Variants in TBC1D4 observed in about 807,000 individuals in gnomAD.
TBC1D4 encodes TBC (Tre-2, BUB2, CDC16) domain-containing protein.
Under a neutral mutation model 142.5 loss-of-function variants are expected in TBC1D4, and 121 were observed. The ratio of observed to expected loss-of-function variants is 0.85; its 90% CI spans 0.73 to 0.99. TBC1D4 has a LOEUF of 0.99. Ranked by LOEUF, TBC1D4 falls within the 50% of genes least tolerant of loss-of-function variation. The probability of loss-of-function intolerance (pLI) is 0.00; values close to 1 mark genes in which losing one functional copy is unlikely to be tolerated. For synonymous variants in TBC1D4, 630 were observed against 628.2 expected, an observed-to-expected ratio of 1.00 and a Z score of -0.04; for missense variants, 1,475 against 1,606.6, an observed-to-expected ratio of 0.92 and a Z score of 1.40.
intron 18 of TBC1D4, among the ~76,000 whole-genome samples, chr13:75,294,302 T>G (rs1187809762): frequency 6.6e-6 from 1 of 152,174 alleles, no homozygotes; most frequent in Non-Finnish European, 1.5e-5. Flanking sequence ...CTTAGTGTTT[T>G]CCCTGAGCCA....
intron 13 of TBC1D4, among the ~76,000 whole-genome samples, chr13:75,312,164 A>G (rs1325683550): frequency 1.3e-5 from 2 of 152,062 alleles, no homozygotes; most frequent in Admixed American, 1.3e-4. Flanking sequence ...ACTCAAAGAG[A>G]GCTGCCTGTG....
chr13:75,461,735 A>G (rs1476257593), intron 1 of TBC1D4, among the ~76,000 whole-genome samples: 1 of 152,238 alleles, frequency 6.6e-6, no homozygotes. Flanking sequence ...ACATTTTGTT[A>G]AAGAATGAAA....
intron 1 of TBC1D4, among the ~76,000 whole-genome samples, chr13:75,467,641 G>A (rs1030432852): frequency 2.0e-5 from 3 of 152,104 alleles, no homozygotes; most frequent in Non-Finnish European, 2.9e-5. Context: ...ATACAACTAT[G>A]GCCCCTGTTA....
At position 75,285,530 on chromosome 13, in the gene TBC1D4, A is replaced by C. The variant is rs1298532131; in HGVS notation, c.*1262T>G. 2 of 152,636 alleles carry C rather than the reference A, an allele frequency of 1.3e-5. No homozygotes were observed. The highest frequency in any genetic ancestry group is 4.8e-5 in the African/African-American group (2 of 41,452). 9.5% of individuals were successfully genotyped at this position (152,636 alleles called of 1,614,324 possible). A position where few individuals can be genotyped will look rare whatever the true frequency, so the allele number is the denominator to read the frequency against. On this transcript the variant is annotated 3_prime_UTR_variant, in exon 21 of 21. Coordinates refer to ENST00000377636, the MANE Select transcript of TBC1D4 (RefSeq NM_014832.5). The stretch of plus-strand genomic sequence containing the variant: ...TCCTTGCCTATACCCAGCATGCGTG[A>C]ATGTCATCTAATGAGCTATTTGTAG...
At chr13:75,300,869 T>TAG (rs984836068) in intron 16 of TBC1D4, among the ~76,000 whole-genome samples, 6 of 152,280 alleles carry the variant, frequency 3.9e-5, no homozygotes, top group African/African-American at 1.4e-4. Context: ...CCCCACTTAG[T>TAG]AGAGAGGATG....
intron 17 of TBC1D4, among the ~76,000 whole-genome samples, chr13:75,298,498 C>A (rs1876178653): frequency 6.6e-6 from 1 of 152,206 alleles, no homozygotes; most frequent in Non-Finnish European, 1.5e-5. Context: ...AGCCTGTAAT[C>A]CCAGCATTCT....
chr13:75,333,550 G>C (rs1332699996), intron 8 of TBC1D4, among the ~76,000 whole-genome samples: 1 of 152,088 alleles, frequency 6.6e-6, no homozygotes, highest in Admixed American at 6.6e-5. Flanking sequence ...TCCCCACAAC[G>C]ATTTTCAAGT....
At chr13:75,294,454 A>G (rs1875665382) in intron 18 of TBC1D4, among the ~76,000 whole-genome samples, 2 of 152,366 alleles carry the variant, frequency 1.3e-5, no homozygotes, top group Admixed American at 6.5e-5. Flanking sequence ...GATACAGTTA[A>G]GAACATATTT....
intron 1 of TBC1D4, among the ~76,000 whole-genome samples, chr13:75,396,829 C>T (rs1353674724): frequency 2.6e-5 from 4 of 151,704 alleles, no homozygotes; most frequent in African/African-American, 7.3e-5. Flanking sequence ...GCCTATGACA[C>T]TGAAAAAAAT....
chr13:75,419,477 T>C (rs1170881046), intron 1 of TBC1D4, among the ~76,000 whole-genome samples: 2 of 152,320 alleles, frequency 1.3e-5, no homozygotes, highest in East Asian at 3.9e-4. Context: ...GGCAAATATG[T>C]GAGTTCTGAT....
intron 4 of TBC1D4, among the ~76,000 whole-genome samples, chr13:75,353,979 G>A (rs907101117): frequency 6.6e-6 from 1 of 152,180 alleles, no homozygotes; most frequent in Admixed American, 6.5e-5. Context: ...TGGGCCTTCA[G>A]AGAGCTGCAG....
intron 15 of TBC1D4, among the ~76,000 whole-genome samples, chr13:75,305,762 T>C (rs1877119018): frequency 6.6e-6 from 1 of 152,222 alleles, no homozygotes; most frequent in Non-Finnish European, 1.5e-5. Context: ...ATTAGTTTTA[T>C]TTTTAAATTT....
At chr13:75,379,261 TGCA>T (rs1167556143) in intron 1 of TBC1D4, among the ~76,000 whole-genome samples, 3 of 150,950 alleles carry the variant, frequency 2.0e-5, no homozygotes, top group Non-Finnish European at 4.4e-5. Flanking sequence ...CATACACACA[TGCA>T]CACACACACA....
intron 16 of TBC1D4, among the ~76,000 whole-genome samples, chr13:75,301,909 T>C (rs1175502102): frequency 6.6e-6 from 1 of 152,204 alleles, no homozygotes; most frequent in East Asian, 1.9e-4. Flanking sequence ...CCAGCATTGA[T>C]TAAGATACAA....
intron 1 of TBC1D4, 72 bp downstream of exon 1, chr13:75,481,198 C>CCCCCCCCCCCCCCCCCCCA: frequency 8.2e-7 from 1 of 1,214,460 alleles, no homozygotes; most frequent in South Asian, 1.3e-5. Flanking sequence ...AGTGGGGTCC[C>CCCCCCCCCCCCCCCCCCCA]CGCCCCTCCC....
chr13:75,422,118 C>T (rs76914661), intron 1 of TBC1D4, among the ~76,000 whole-genome samples: 94 of 152,304 alleles, frequency 6.2e-4, no homozygotes, highest in African/African-American at 2.2e-3. Context: ...TAAATGTCAC[C>T]TATTGTGCTA....
chr13:75,311,910 G>A (rs1423738149), intron 13 of TBC1D4, among the ~76,000 whole-genome samples: 1 of 151,902 alleles, frequency 6.6e-6, no homozygotes, highest in East Asian at 1.9e-4. Flanking sequence ...ATAAATATTA[G>A]GTCAAGCTTA....
chr13:75,451,245 G>C (rs1022429977), intron 1 of TBC1D4, among the ~76,000 whole-genome samples: 1 of 151,756 alleles, frequency 6.6e-6, no homozygotes, highest in Non-Finnish European at 1.5e-5. Context: ...TTATTAGAGC[G>C]AAAAAAAGTG....
chr13:75,400,953 T>C (rs1319801007), intron 1 of TBC1D4, among the ~76,000 whole-genome samples: 1 of 152,120 alleles, frequency 6.6e-6, no homozygotes, highest in Non-Finnish European at 1.5e-5. Context: ...CCAGAACAAG[T>C]TTCTAGACTC....
Sources: gnomAD v4.1 joint callset for allele counts (sites outside exome capture counted in the v4.1 genomes callset) on GRCh38, gnomAD v4.1.1 for gene constraint, MANE v1.5 for transcripts, NCBI Gene and HGNC (gene_info 2026-07-23, HGNC 2026-07-21) for gene names.